The following CD44 variants were observed in gnomAD, a reference collection of about 807,000 sequenced individuals.
CD44 encodes the protein CD44 antigen.
A neutral mutation model predicts 88.8 loss-of-function variants in CD44; 49 were observed. The ratio of observed to expected loss-of-function variants is 0.55; its 90% CI spans 0.44 to 0.70. The LOEUF (loss-of-function observed/expected upper bound fraction) is 0.70. CD44 is among the 30% of genes least tolerant of loss of function. The pLI is 0.00. For missense variants in CD44, 883 were observed against 913.8 expected (o/e 0.97, Z 0.43); for synonymous variants, 325 against 312.3 (o/e 1.04, Z -0.43).
chr11:35,204,717 C>A, intron 10 of CD44, 77 bp downstream of exon 10: 1 of 1,280,792 alleles, frequency 7.8e-7, no homozygotes. Flanking sequence ...GGACATTGAA[C>A]AAAAGGACAC....
intron 1 of CD44, among the ~76,000 whole-genome samples, chr11:35,170,193 T>A (rs1384921028): frequency 6.6e-6 from 1 of 151,818 alleles, no homozygotes; most frequent in Non-Finnish European, 1.5e-5. Context: ...GTCAGAGAGG[T>A]TAAGTAATTA....
intron 2 of CD44, among the ~76,000 whole-genome samples, chr11:35,177,268 G>C (rs990804362): frequency 6.6e-6 from 1 of 152,158 alleles, no homozygotes; most frequent in Non-Finnish European, 1.5e-5. Context: ...ATTATATTAA[G>C]ATATATTATT....
intron 1 of CD44, among the ~76,000 whole-genome samples, chr11:35,144,392 A>G (rs1313502761): frequency 6.6e-6 from 1 of 152,194 alleles, no homozygotes; most frequent in African/African-American, 2.4e-5. Context: ...TCAGAGAGAA[A>G]TTCTGGGGTT....
intron 1 of CD44, among the ~76,000 whole-genome samples, chr11:35,165,315 G>A (rs1404446522): frequency 6.6e-6 from 1 of 152,184 alleles, no homozygotes; most frequent in African/African-American, 2.4e-5. Context: ...GCACCAGAGG[G>A]GAATGGGGAA....
intron 7 of CD44, among the ~76,000 whole-genome samples, chr11:35,200,223 A>G (rs1947182576): frequency 6.6e-6 from 1 of 152,158 alleles, no homozygotes; most frequent in Non-Finnish European, 1.5e-5. Flanking sequence ...TATCAAAATA[A>G]AGTTTGAAAC....
At chr11:35,153,992 A>T (rs966633294) in intron 1 of CD44, among the ~76,000 whole-genome samples, 3 of 152,228 alleles carry the variant, frequency 2.0e-5, no homozygotes, top group Non-Finnish European at 4.4e-5. Context: ...CTGCCCTGTA[A>T]TAGTGGTGGG....
Position 35,215,075 on chromosome 11 carries a change from C to A in CD44, c.1873+161C>A, listed in dbSNP as rs1163674240. The stretch of plus-strand genomic sequence containing the variant: ...GCTTATTAAACCACAATGCTGGACC[C>A]CACCCTTAAGGTTCCTGATTCAGTA... On this transcript the variant is annotated intron_variant, in intron 15 of 17. Transcript: ENST00000428726. 3.8e-5 allele frequency: 16 copies of A among 423,086 alleles called. No individual in the cohort carries two copies. The East Asian group carries it at 5.7e-4, about 15-fold the overall frequency. 26.2% of individuals were successfully genotyped at this position (423,086 alleles called of 1,614,324 possible).
chr11:35,181,858 AATT>A (rs552496664), intron 3 of CD44, among the ~76,000 whole-genome samples: 1 of 74,016 alleles, frequency 1.4e-5, no homozygotes, highest in African/African-American at 6.1e-5. Context: ...TTTATATATA[AATT>A]TATATATATA....
intron 9 of CD44, among the ~76,000 whole-genome samples, chr11:35,202,496 G>T (rs1255543666): frequency 6.6e-6 from 1 of 152,072 alleles, no homozygotes; most frequent in Non-Finnish European, 1.5e-5. Context: ...TATCTATCCC[G>T]CTGAGATATG....
At chr11:35,220,557 T>C (rs980137175) in intron 16 of CD44, among the ~76,000 whole-genome samples, 5 of 152,164 alleles carry the variant, frequency 3.3e-5, no homozygotes, top group Non-Finnish European at 7.4e-5. Context: ...ACAACCCACT[T>C]TGCAACTGAA....
intron 15 of CD44, among the ~76,000 whole-genome samples, chr11:35,218,276 A>G (rs999794493): frequency 6.6e-6 from 1 of 152,172 alleles, no homozygotes; most frequent in African/African-American, 2.4e-5. Flanking sequence ...ATATATTAGC[A>G]GGGACTCTAA....
intron 1 of CD44, among the ~76,000 whole-genome samples, chr11:35,174,344 TAAC>T (rs995618852): frequency 6.6e-6 from 1 of 152,180 alleles, no homozygotes; most frequent in Non-Finnish European, 1.5e-5. Context: ...GGTTCTTAAC[TAAC>T]AACAAGGAGT....
intron 11 of CD44, among the ~76,000 whole-genome samples, chr11:35,206,478 T>C (rs1242788370): frequency 6.6e-6 from 1 of 152,130 alleles, no homozygotes; most frequent in Non-Finnish European, 1.5e-5. Context: ...AAAAACTTAT[T>C]GTCAAAATAT....
In CD44 at chr11:35,176,691, A is replaced by T; in HGVS notation, c.184A>T (p.Thr62Ser). 1 of 1,614,186 alleles carries T rather than the reference A, an allele frequency of 6.2e-7. No homozygotes were observed. The highest frequency in any genetic ancestry group is 1.1e-5 in the South Asian group (1 of 91,082). ...LCKAFNSTLP[T>S]MAQMEKALSI... ...CAAGGCTTTCAATAGCACCTTGCCC[A>T]CAATGGCCCAGATGGAGAAAGCTCT... The change falls in exon 2 of 18, where the codon ACA (threonine) becomes TCA (serine). Residue 62 changes from threonine to serine, a missense_variant. Thr to Ser is a moderately conservative substitution (Grantham distance 58). Transcript: ENST00000428726.
intron 3 of CD44, among the ~76,000 whole-genome samples, chr11:35,184,842 A>G (rs1565087813): frequency 6.6e-6 from 1 of 152,176 alleles, no homozygotes; most frequent in Non-Finnish European, 1.5e-5. Flanking sequence ...TGACCTGTAC[A>G]TATTTGGAGA....
At position 35,201,656 on chromosome 11, in the gene CD44, C is replaced by A; in HGVS notation, c.1037-15C>A. 6.2e-7 allele frequency: 1 copy of A among 1,613,212 alleles called. No homozygotes were observed. The highest frequency in any genetic ancestry group is 8.5e-7 in the Non-Finnish European group (1 of 1,179,374). On this transcript the variant is annotated splice_polypyrimidine_tract_variant and intron_variant, in intron 8 of 17. Coordinates refer to ENST00000428726, the MANE Select transcript of CD44 (RefSeq NM_000610.4). ...TGATAACAAGTCACAGTGTATTTAA[C>A]CATCATCACAGCAGATGTAGACAGA...
chr11:35,146,029 A>G (rs1859081799), intron 1 of CD44, among the ~76,000 whole-genome samples: 1 of 141,994 alleles, frequency 7.0e-6, no homozygotes, highest in African/African-American at 2.6e-5. Flanking sequence ...CCTGAGAGAC[A>G]GGGAGACAAA....
chr11:35,216,098 C>G (rs1023255769), intron 15 of CD44, among the ~76,000 whole-genome samples: 1 of 151,482 alleles, frequency 6.6e-6, no homozygotes, highest in Non-Finnish European at 1.5e-5. Context: ...GCCTGGAGGG[C>G]CTTGTATTAC....
intron 1 of CD44, among the ~76,000 whole-genome samples, chr11:35,171,399 T>G (rs1018654467): frequency 6.6e-6 from 1 of 152,218 alleles, no homozygotes; most frequent in African/African-American, 2.4e-5. Flanking sequence ...AAGATAAATG[T>G]AAGCTGTGGA....
Sources: gnomAD v4.1 joint callset for allele counts (sites outside exome capture counted in the v4.1 genomes callset) on GRCh38, gnomAD v4.1.1 for gene constraint, MANE v1.5 for transcripts, NCBI Gene and HGNC (gene_info 2026-07-23, HGNC 2026-07-21) for gene names.